Variants in SCUBE2 observed in about 807,000 individuals in gnomAD.
The protein encoded by SCUBE2 is signal peptide, CUB domain and EGF like domain containing 2, also known as signal peptide, CUB and EGF-like domain-containing protein 2.
A neutral mutation model predicts 125.9 loss-of-function variants in SCUBE2; 114 were observed. The observed-to-expected ratio is 0.91, with a 90% CI of 0.78 to 1.06. The LOEUF (loss-of-function observed/expected upper bound fraction) is 1.06, where lower values mean the gene tolerates loss of function less well. Ranked by LOEUF, SCUBE2 falls within the 50% of genes least tolerant of loss-of-function variation. SCUBE2 has a pLI of 0.00. For synonymous variants in SCUBE2, 459 were observed against 492.9 expected, an observed-to-expected ratio of 0.93 and a Z score of 0.91; for missense variants, 1,255 against 1,301.8, an observed-to-expected ratio of 0.96 and a Z score of 0.55.
At chr11:9,057,680 T>C (rs980238712) in intron 9 of SCUBE2, among the ~76,000 whole-genome samples, 1 of 151,776 alleles carries the variant, frequency 6.6e-6, no homozygotes, top group Non-Finnish European at 1.5e-5. Flanking sequence ...CACCGCGCCC[T>C]CCACCATGCC....
intron 21 of SCUBE2, among the ~76,000 whole-genome samples, chr11:9,023,146 C>A (rs892767967): frequency 1.3e-5 from 2 of 152,204 alleles, no homozygotes; most frequent in African/African-American, 4.8e-5. Flanking sequence ...AAAGCACAAT[C>A]TTTTCCAAAT....
At chr11:9,062,010 T>C (rs948509098) in intron 7 of SCUBE2, among the ~76,000 whole-genome samples, 21 of 152,192 alleles carry the variant, frequency 1.4e-4, no homozygotes, top group African/African-American at 5.1e-4. Context: ...TAACTCCACA[T>C]AGTCATGTGA....
chr11:9,029,811 C>T (rs1413405717), intron 19 of SCUBE2, 73 bp downstream of exon 19: 1 of 1,549,376 alleles, frequency 6.5e-7, no homozygotes, highest in Non-Finnish European at 8.9e-7. Context: ...TGCCCCGTGC[C>T]CCCTGCTCTG....
intron 16 of SCUBE2, among the ~76,000 whole-genome samples, chr11:9,045,606 GACAGACACACACAC>G (rs1427015885): frequency 1.1e-4 from 13 of 115,160 alleles, no homozygotes; most frequent in African/African-American, 1.9e-4. Flanking sequence ...AAGACAGACA[GACAGACACACACAC>G]ACACACACAC....
At chr11:9,082,608 G>A (rs1861732935) in intron 2 of SCUBE2, among the ~76,000 whole-genome samples, 1 of 151,992 alleles carries the variant, frequency 6.6e-6, no homozygotes, top group Non-Finnish European at 1.5e-5. Flanking sequence ...CAAAAAAAAT[G>A]GTATATTCAT....
At chr11:9,053,575 C>A in intron 11 of SCUBE2, 62 bp downstream of exon 11, 1 of 1,591,724 alleles carries the variant, frequency 6.3e-7, no homozygotes, top group East Asian at 2.2e-5. Context: ...GCACGCAGAG[C>A]TGCACTGCCT....
intron 4 of SCUBE2, among the ~76,000 whole-genome samples, chr11:9,072,653 A>G (rs1158829206): frequency 6.6e-6 from 1 of 152,194 alleles, no homozygotes; most frequent in Non-Finnish European, 1.5e-5. Flanking sequence ...AATTGCTATA[A>G]TCTGTTGGCT....
At chr11:9,070,052 C>T (rs1039677132) in intron 4 of SCUBE2, among the ~76,000 whole-genome samples, 6 of 152,262 alleles carry the variant, frequency 3.9e-5, no homozygotes, top group African/African-American at 1.4e-4. Flanking sequence ...CTTCTGTGAC[C>T]ACCCTCAGCC....
chr11:9,084,337 C>A (rs1861888816), intron 2 of SCUBE2, among the ~76,000 whole-genome samples: 1 of 152,102 alleles, frequency 6.6e-6, no homozygotes, highest in Non-Finnish European at 1.5e-5. Context: ...ATCTTCCTTA[C>A]AGAAGAATTT....
chr11:9,054,030 CTT>C (rs1280210318), intron 10 of SCUBE2, among the ~76,000 whole-genome samples: 1 of 110,808 alleles, frequency 9.0e-6, no homozygotes, highest in Non-Finnish European at 1.7e-5. Flanking sequence ...GAATTTTGCT[CTT>C]GTCACTCAGG....
At chr11:9,078,939 T>A (rs1433967640) in intron 3 of SCUBE2, among the ~76,000 whole-genome samples, 2 of 152,220 alleles carry the variant, frequency 1.3e-5, no homozygotes, top group Non-Finnish European at 2.9e-5. Context: ...ATGGAAGATT[T>A]CTGTTTTAGT....
rs367766279 is a variant in SCUBE2 at position 9,066,525 on chromosome 11, T to G, written c.760+172A>C. On this transcript the variant is annotated intron_variant, in intron 6 of 22. Transcript: ENST00000649792. ...AAGGTCACACAGGGAGAGAGGGGCC[T>G]TCCCCACAGGCCTAGACCACTCCCA... Among the ~76,000 whole-genome samples the G allele has an allele frequency of 9.2e-5, 14 of 152,314 alleles. No individual in the cohort carries two copies. The East Asian group carries it at 2.3e-3, about 25-fold the overall frequency.
At chr11:9,063,210 G>C (rs868069710) in intron 7 of SCUBE2, among the ~76,000 whole-genome samples, 1 of 151,924 alleles carries the variant, frequency 6.6e-6, no homozygotes. Flanking sequence ...TGCACCACTG[G>C]ACTCCAGCCT....
At chr11:9,051,225 T>TCTATCTACCTACCTACCTAC (rs755617422) in intron 13 of SCUBE2, among the ~76,000 whole-genome samples, 3 of 132,412 alleles carry the variant, frequency 2.3e-5, no homozygotes, top group African/African-American at 5.9e-5. Context: ...TATCTATCTA[T>TCTATCTACCTACCTACCTAC]CTACCTACCT....
intron 16 of SCUBE2, among the ~76,000 whole-genome samples, chr11:9,044,825 C>T (rs2135354724): frequency 6.6e-6 from 1 of 152,318 alleles, no homozygotes; most frequent in South Asian, 2.1e-4. Flanking sequence ...CTCTCTTCCC[C>T]CAGATATCTC....
At chr11:9,053,360 CCA>C (rs1161726568) in intron 11 of SCUBE2, 145 bp from the exon 12 acceptor site, 1 of 769,084 alleles carries the variant, frequency 1.3e-6, no homozygotes, top group Non-Finnish European at 2.1e-6. Flanking sequence ...GGCCTTATTC[CCA>C]CCAAGGGAAA....
chr11:9,059,594 T>C, intron 8 of SCUBE2, 169 bp from the exon 9 acceptor site: 1 of 885,532 alleles, frequency 1.1e-6, no homozygotes, highest in Non-Finnish European at 1.6e-6. Context: ...TGTTTTCTTA[T>C]CTGGCTTAAC....
rs1169007494 is a variant in SCUBE2 at position 9,019,714 on chromosome 11, A to AT, written c.*1330dup. On this transcript the variant is annotated 3_prime_UTR_variant, in exon 23 of 23. Coordinates refer to ENST00000649792, the MANE Select transcript of SCUBE2 (RefSeq NM_001367977.2). ...TTTTCTTCAAAAATGCTTGTTAAAC[A>AT]TTTTTTTAGTACTTTGGTATGGAGA... 1.3e-5 allele frequency among the ~76,000 whole-genome samples: 2 copies of AT among 152,168 alleles called. No individual in the cohort carries two copies. The highest frequency in any genetic ancestry group is 4.8e-5 in the African/African-American group (2 of 41,442).
chr11:9,038,528 T>A (rs1856933613), intron 16 of SCUBE2, among the ~76,000 whole-genome samples: 1 of 152,004 alleles, frequency 6.6e-6, no homozygotes, highest in African/African-American at 2.4e-5. Flanking sequence ...AGTGGGAGAA[T>A]AGCTTGAGCC....
Sources: allele counts gnomAD v4.1 joint callset (sites outside exome capture counted in the v4.1 genomes callset), GRCh38; gene constraint gnomAD v4.1.1; transcripts MANE v1.5; gene names NCBI Gene and HGNC (gene_info 2026-07-23, HGNC 2026-07-21).